Variants in ROR2 observed in about 807,000 individuals in gnomAD.
The protein encoded by ROR2 is tyrosine-protein kinase transmembrane receptor ROR2.
ROR2 carries 33 observed loss-of-function variants against 74.9 expected under a neutral mutation model. The observed-to-expected ratio is 0.44, with a 90% confidence interval of 0.33 to 0.59. ROR2 has a LOEUF of 0.59. ROR2 is among the 20% of genes least tolerant of loss of function. The pLI is 0.02. For missense variants in ROR2, 1,216 were observed against 1,313.8 expected, an observed-to-expected ratio of 0.93 and a Z score of 1.15; for synonymous variants, 586 against 558.7, an observed-to-expected ratio of 1.05 and a Z score of -0.69.
chr9:91,800,831 C>T (rs893400453), intron 1 of ROR2, among the ~76,000 whole-genome samples: 17 of 152,342 alleles, frequency 1.1e-4, no homozygotes, highest in African/African-American at 4.1e-4. Flanking sequence ...CACTGGCTTG[C>T]AGACAGCAAG....
chr9:91,917,888 C>G (rs1831174426), intron 1 of ROR2, among the ~76,000 whole-genome samples: 1 of 152,218 alleles, frequency 6.6e-6, no homozygotes, highest in Non-Finnish European at 1.5e-5. Flanking sequence ...AGTGAGGCAG[C>G]TTTATAAGTA....
intron 2 of ROR2, among the ~76,000 whole-genome samples, chr9:91,773,324 C>G (rs796204836): frequency 2.6e-5 from 4 of 152,342 alleles, no homozygotes; most frequent in African/African-American, 9.6e-5. Context: ...CCCCCTCCCC[C>G]TCAACTGCAT....
At chr9:91,892,083 C>T (rs1416319014) in intron 1 of ROR2, among the ~76,000 whole-genome samples, 1 of 150,010 alleles carries the variant, frequency 6.7e-6, no homozygotes, top group Non-Finnish European at 1.5e-5. Flanking sequence ...CCAGCACAGG[C>T]ACATCAAATC....
At chr9:91,921,407 G>GA (rs746950578) in intron 1 of ROR2, among the ~76,000 whole-genome samples, 18 of 152,200 alleles carry the variant, frequency 1.2e-4, no homozygotes, top group Non-Finnish European at 2.2e-4. Flanking sequence ...AAGTAAAGCA[G>GA]AATCAGGAAT....
intron 1 of ROR2, among the ~76,000 whole-genome samples, chr9:91,918,127 G>A (rs1035544352): frequency 1.3e-4 from 20 of 152,290 alleles, no homozygotes; most frequent in African/African-American, 4.6e-4. Flanking sequence ...AATCAGCTGT[G>A]CGTGGTGGCA....
chr9:91,948,604 T>C, intron 1 of ROR2: 1 of 985,446 alleles, frequency 1.0e-6, no homozygotes, highest in Non-Finnish European at 1.2e-6. Flanking sequence ...CTGACTCGCG[T>C]ACCTTGGGCC....
intron 1 of ROR2, among the ~76,000 whole-genome samples, chr9:91,866,611 G>A (rs1429030241): frequency 3.9e-5 from 6 of 151,954 alleles, no homozygotes; most frequent in Admixed American, 1.3e-4. Flanking sequence ...GTTTTAAAGC[G>A]TGCTTTCCAC....
At chr9:91,728,661 C>T (rs1359395713) in intron 7 of ROR2, among the ~76,000 whole-genome samples, 2 of 152,088 alleles carry the variant, frequency 1.3e-5, no homozygotes, top group Admixed American at 6.5e-5. Context: ...GAACTCCTGA[C>T]CTCAGGTGAT....
chr9:91,839,454 G>A (rs1376149602), intron 1 of ROR2, among the ~76,000 whole-genome samples: 1 of 151,744 alleles, frequency 6.6e-6, no homozygotes, highest in Non-Finnish European at 1.5e-5. Flanking sequence ...GTCTATGTGT[G>A]TGTGTATATG....
chr9:91,904,032 TTTTG>T (rs943507873), intron 1 of ROR2, among the ~76,000 whole-genome samples: 3 of 137,252 alleles, frequency 2.2e-5, no homozygotes, highest in African/African-American at 8.1e-5. Context: ...GATTTTTTGT[TTTTG>T]TTTTTGTTTT....
intron 4 of ROR2, among the ~76,000 whole-genome samples, chr9:91,750,283 C>T (rs775202465): frequency 3.9e-5 from 6 of 152,178 alleles, no homozygotes; most frequent in African/African-American, 9.7e-5. Flanking sequence ...TATAATGTCA[C>T]GACAAACACT....
Position 91,809,164 on chromosome 9 carries a change from A to C in ROR2, c.98-33346T>G, listed in dbSNP as rs112111257. ...AGCTGACTTCCTTCAGGGGTCCCCAAATAGTCTACAATGTCACTCCTCCCT... is the reference window on the plus strand; with the variant it reads ...AGCTGACTTCCTTCAGGGGTCCCCACATAGTCTACAATGTCACTCCTCCCT... On this transcript the variant is annotated intron_variant, in intron 1 of 8. Transcript: ENST00000375708. Among the ~76,000 whole-genome samples the C allele has an allele frequency of 3.9e-3, 595 of 152,272 alleles. 4 individuals carry two copies. Among genetic ancestry groups the C allele is most frequent in the African/African-American group, 0.014 (572 of 41,550 alleles).
rs991133932 is a variant in ROR2, at chr9:91,950,007, G to A, written c.-44C>T. The stretch of plus-strand genomic sequence containing the variant: ...CGGGAAGCCCTCAGAGCTTCGGGCC[G>A]GGGCGCGGGGTCGGGCGCCACCACC... On this transcript the variant is annotated 5_prime_UTR_variant, in exon 1 of 9. Transcript: ENST00000375708. 2 of 1,090,772 alleles carry A rather than the reference G, an allele frequency of 1.8e-6. No individual in the cohort carries two copies. Among genetic ancestry groups the A allele is most frequent in the Non-Finnish European group, 1.2e-6 (1 of 823,778 alleles). The allele number at this position is 1,090,772 out of a possible 1,614,324, so 67.6% of individuals were successfully genotyped here. A position where few individuals can be genotyped will look rare whatever the true frequency, so the allele number is the denominator to read the frequency against.
chr9:91,888,110 A>T (rs970271943), intron 1 of ROR2, among the ~76,000 whole-genome samples: 2 of 151,972 alleles, frequency 1.3e-5, no homozygotes, highest in Non-Finnish European at 2.9e-5. Flanking sequence ...ATTTTTGCCA[A>T]CACTTCGTAT....
intron 4 of ROR2, among the ~76,000 whole-genome samples, chr9:91,754,734 T>C (rs1825692526): frequency 6.6e-6 from 1 of 152,236 alleles, no homozygotes; most frequent in African/African-American, 2.4e-5. Flanking sequence ...ATGACTTATA[T>C]GCCTTTTTCC....
intron 1 of ROR2, among the ~76,000 whole-genome samples, chr9:91,791,577 C>A (rs1007431089): frequency 6.6e-6 from 1 of 152,130 alleles, no homozygotes; most frequent in Admixed American, 6.5e-5. Context: ...ACAACAGAGA[C>A]CCACAATATG....
At chr9:91,801,104 CA>C (rs2119055529) in intron 1 of ROR2, among the ~76,000 whole-genome samples, 2 of 152,240 alleles carry the variant, frequency 1.3e-5, no homozygotes, top group East Asian at 3.9e-4. Flanking sequence ...CTCCCACCAT[CA>C]TTTTCATATG....
At chr9:91,857,491 T>C (rs1829329416) in intron 1 of ROR2, among the ~76,000 whole-genome samples, 1 of 152,222 alleles carries the variant, frequency 6.6e-6, no homozygotes, top group African/African-American at 2.4e-5. Context: ...TTTAAAAACA[T>C]TCCAGTAGGT....
intron 8 of ROR2, 82 bp downstream of exon 8, chr9:91,726,459 A>T: frequency 7.8e-7 from 1 of 1,288,182 alleles, no homozygotes; most frequent in Non-Finnish European, 1.1e-6. Context: ...AAGTAAATTA[A>T]GACATTTAAT....
Sources: allele counts gnomAD v4.1 joint callset (sites outside exome capture counted in the v4.1 genomes callset), GRCh38; gene constraint gnomAD v4.1.1; transcripts MANE v1.5; gene names NCBI Gene and HGNC (gene_info 2026-07-23, HGNC 2026-07-21).